Variants in DLGAP1 observed in about 807,000 individuals in gnomAD.
DLGAP1 encodes disks large-associated protein 1.
In DLGAP1, 11 loss-of-function variants were observed where a neutral mutation model predicts 90.8. That is an observed-to-expected ratio of 0.12 (90% confidence interval 0.08 to 0.20). DLGAP1 has a LOEUF of 0.20. Among genes scored for constraint, DLGAP1 ranks in the 10% least tolerant of loss-of-function variants. The probability of loss-of-function intolerance (pLI) is 1.00; values close to 1 mark genes in which losing one functional copy is unlikely to be tolerated. For missense variants in DLGAP1, 1,050 were observed against 1,333.8 expected (o/e 0.79, Z 3.31); for synonymous variants, 558 against 540.7 (o/e 1.03, Z -0.44).
chr18:4,446,902 A>G (rs1005243539), intron 1 of DLGAP1, among the ~76,000 whole-genome samples: 3 of 152,214 alleles, frequency 2.0e-5, no homozygotes, highest in Non-Finnish European at 4.4e-5. Flanking sequence ...CACAGCAACT[A>G]GAATATTAAT....
At chr18:4,208,483 A>G (rs1293056650) in intron 1 of DLGAP1, among the ~76,000 whole-genome samples, 1 of 152,210 alleles carries the variant, frequency 6.6e-6, no homozygotes, top group Non-Finnish European at 1.5e-5. Context: ...TCTGAGCCAT[A>G]GGTGGAGTTG....
intron 10 of DLGAP1, among the ~76,000 whole-genome samples, chr18:3,514,899 AT>A (rs532686201): frequency 1.3e-4 from 20 of 151,064 alleles, no homozygotes; most frequent in Admixed American, 3.3e-4. Flanking sequence ...TTTAAAATAA[AT>A]TTTTTTTTCA....
At chr18:4,146,825 T>C (rs866458267) in intron 2 of DLGAP1, among the ~76,000 whole-genome samples, 3 of 152,136 alleles carry the variant, frequency 2.0e-5, no homozygotes, top group African/African-American at 7.2e-5. Context: ...TGAGGTTGAC[T>C]GCACTACAGA....
intron 1 of DLGAP1, among the ~76,000 whole-genome samples, chr18:4,357,507 T>C (rs1210543133): frequency 1.3e-5 from 2 of 152,158 alleles, no homozygotes; most frequent in Non-Finnish European, 2.9e-5. Flanking sequence ...GTATTCTCAG[T>C]GTCTAAATCT....
At chr18:3,687,754 C>G (rs1724467019) in intron 7 of DLGAP1, among the ~76,000 whole-genome samples, 1 of 151,994 alleles carries the variant, frequency 6.6e-6, no homozygotes. Flanking sequence ...AAAAAATAAG[C>G]AAAACAAATT....
At chr18:3,847,864 G>C (rs2069104399) in intron 4 of DLGAP1, among the ~76,000 whole-genome samples, 1 of 152,090 alleles carries the variant, frequency 6.6e-6, no homozygotes, top group Non-Finnish European at 1.5e-5. Flanking sequence ...TTTAAAAAGA[G>C]ACAAGGGCCA....
At chr18:3,877,251 C>T (rs1229899744) in intron 4 of DLGAP1, among the ~76,000 whole-genome samples, 1 of 152,032 alleles carries the variant, frequency 6.6e-6, no homozygotes, top group Non-Finnish European at 1.5e-5. Flanking sequence ...TTCACCACTA[C>T]CTGAGATCGC....
Position 3,729,639 on chromosome 18 carries a change from C to A in DLGAP1, c.1351-264G>T, listed in dbSNP as rs992247689. 2.0e-5 allele frequency among the ~76,000 whole-genome samples: 3 copies of A among 152,130 alleles called. No homozygotes were observed. The highest frequency in any genetic ancestry group is 7.2e-5 in the African/African-American group (3 of 41,416). ...GGCCAGGCTGGTCTCGAACTCCTGA[C>A]CTCAAGTGATCCACCCGCCTGGGCC... On this transcript the variant is annotated intron_variant, in intron 6 of 12. Coordinates refer to ENST00000315677, the MANE Select transcript of DLGAP1 (RefSeq NM_004746.4). This position sits in a 1 kb window ranked among gnomAD's most constrained non-coding sequence, Gnocchi z 6.2.
rs955322153 is a variant in DLGAP1 at position 4,417,967 on chromosome 18, C to A, written c.-267+37039G>T. Among the ~76,000 whole-genome samples, 4 of 152,096 alleles carry A rather than the reference C, an allele frequency of 2.6e-5. 1 individual carries two copies. Among genetic ancestry groups the A allele is most frequent in the Non-Finnish European group, 4.4e-5 (3 of 68,028 alleles). ...AGAGAAACACAAGTGTGGAAGGAGA[C>A]CTTCTCTAAGGTTCAGTGCAAAGGA... is the stretch of plus-strand genomic sequence containing the variant. On this transcript the variant is annotated intron_variant, in intron 1 of 12. Coordinates refer to ENST00000315677, the MANE Select transcript of DLGAP1 (RefSeq NM_004746.4).
intron 5 of DLGAP1, among the ~76,000 whole-genome samples, chr18:3,808,565 T>C (rs185350345): frequency 7.9e-5 from 12 of 152,272 alleles, no homozygotes; most frequent in Non-Finnish European, 1.2e-4. Context: ...CAAAAAAGCA[T>C]TTAGGCAAAA....
At chr18:4,006,258 C>T (rs2074298819) in intron 2 of DLGAP1, among the ~76,000 whole-genome samples, 1 of 152,152 alleles carries the variant, frequency 6.6e-6, no homozygotes, top group Non-Finnish European at 1.5e-5. Context: ...TCCTGTTTGT[C>T]TTCTAGGGCC....
intron 2 of DLGAP1, among the ~76,000 whole-genome samples, chr18:4,068,373 G>A (rs899709851): frequency 3.3e-5 from 5 of 151,122 alleles, no homozygotes; most frequent in African/African-American, 7.3e-5. Context: ...GTTTATGTAC[G>A]TAGGCATATT....
intron 5 of DLGAP1, among the ~76,000 whole-genome samples, chr18:3,764,241 T>C (rs1219401157): frequency 6.6e-6 from 1 of 152,248 alleles, no homozygotes; most frequent in East Asian, 1.9e-4. Flanking sequence ...TTCTAATTTC[T>C]GTAGTCTTAA....
chr18:3,602,851 A>G (rs563479649), intron 7 of DLGAP1: 1 of 152,246 alleles, frequency 6.6e-6, no homozygotes, highest in Admixed American at 6.5e-5. Flanking sequence ...AACTATAAAT[A>G]CTGCAAATCG....
intron 3 of DLGAP1, among the ~76,000 whole-genome samples, chr18:3,934,867 A>G (rs1411448366): frequency 1.3e-5 from 2 of 152,246 alleles, no homozygotes; most frequent in African/African-American, 2.4e-5. Flanking sequence ...GGTCTTTTCA[A>G]AAGAAGCACG....
chr18:3,587,169 C>A (rs586760), intron 7 of DLGAP1, among the ~76,000 whole-genome samples: 19,853 of 152,170 alleles, frequency 0.13, 1,366 homozygotes, highest in East Asian at 0.24. Context: ...ATTCTCCTGC[C>A]TCAGCCTCTG....
intron 1 of DLGAP1, among the ~76,000 whole-genome samples, chr18:4,305,946 T>G (rs905692451): frequency 6.6e-6 from 1 of 151,802 alleles, no homozygotes; most frequent in East Asian, 1.9e-4. Context: ...GTTTTAGTTT[T>G]GGGGAAGTTA....
chr18:4,166,936 A>T (rs561661612), intron 1 of DLGAP1, among the ~76,000 whole-genome samples: 46 of 152,336 alleles, frequency 3.0e-4, no homozygotes, highest in African/African-American at 1.1e-3. Context: ...ATGATGAAAA[A>T]TATCTGAAGA....
At chr18:3,991,281 A>G (rs1476269550) in intron 3 of DLGAP1, among the ~76,000 whole-genome samples, 2 of 152,214 alleles carry the variant, frequency 1.3e-5, no homozygotes, top group African/African-American at 2.4e-5. Flanking sequence ...TTTTCAGTAA[A>G]TATTGAAATG....
Sources: allele counts gnomAD v4.1 joint callset (sites outside exome capture counted in the v4.1 genomes callset), GRCh38; gene constraint gnomAD v4.1.1; non-coding constraint Gnocchi (gnomAD v3.1); transcripts MANE v1.5; gene names NCBI Gene and HGNC (gene_info 2026-07-23, HGNC 2026-07-21).